The following RTEL1 variants were observed in gnomAD, a reference collection of about 807,000 sequenced individuals.
The protein encoded by RTEL1 is regulator of telomere elongation helicase 1.
RTEL1 carries 86 observed loss-of-function variants against 162.2 expected under a neutral mutation model. That is an observed-to-expected ratio of 0.53 (90% confidence interval 0.45 to 0.63). The LOEUF is 0.63. Among genes scored for constraint, RTEL1 ranks in the 30% least tolerant of loss-of-function variants. The probability of loss-of-function intolerance (pLI) is 0.00; values close to 1 mark genes in which losing one functional copy is unlikely to be tolerated. For missense variants in RTEL1, 1,941 were observed against 1,750.2 expected (o/e 1.11, Z -1.95); for synonymous variants, 958 against 717.9 (o/e 1.33, Z -5.35).
chr20:63,677,194 A>G (rs1425389949), intron 10 of RTEL1, among the ~76,000 whole-genome samples: 1 of 152,218 alleles, frequency 6.6e-6, no homozygotes, highest in Admixed American at 6.5e-5. Flanking sequence ...CTTTTCCTGC[A>G]AGACGGTATT....
intron 30 of RTEL1, 90 bp from the exon 31 acceptor site, chr20:63,694,282 C>T (rs138512591): frequency 2.8e-5 from 32 of 1,140,972 alleles, no homozygotes; most frequent in Non-Finnish European, 4.0e-5. Flanking sequence ...GTGGGTGAGG[C>T]CTGGCCTCCC....
At position 63,693,300 on chromosome 20, in the gene RTEL1, G is replaced by A. The variant is rs1426638452; in HGVS notation, c.2992+17G>A. On this transcript the variant is annotated intron_variant, in intron 30 of 34. Transcript: ENST00000360203. ...ACCCCACTGGTAAATGGGGCCCCAG[G>A]TGGGACCCTCAGACTCCTGCGTGGA... is the stretch of plus-strand genomic sequence containing the variant. 4 of 1,611,052 alleles carry A rather than the reference G, an allele frequency of 2.5e-6. No homozygotes were observed. Among genetic ancestry groups the A allele is most frequent in the South Asian group, 2.2e-5 (2 of 91,080 alleles).
rs1349741572 is a variant in RTEL1 at position 63,658,352 on chromosome 20, C to T, written c.-285C>T. 1 of 152,396 alleles carries T rather than the reference C, an allele frequency of 6.6e-6. No individual in the cohort carries two copies. Among genetic ancestry groups the T allele is most frequent in the Non-Finnish European group, 1.5e-5 (1 of 68,068 alleles). The allele number at this position is 152,396 out of a possible 1,614,324, so 9.4% of individuals were successfully genotyped here. A position where few individuals can be genotyped will look rare whatever the true frequency, so the allele number is the denominator to read the frequency against. ...TCAGCGCCGACTGCGCGCCTCTGCC[C>T]GCGAAAACTCTGAGCTGGCTGACAG... On this transcript the variant is annotated 5_prime_UTR_variant, in exon 1 of 35. Transcript: ENST00000360203.
intron 14 of RTEL1, chr20:63,682,722 C>T (rs1378238869): frequency 2.0e-6 from 2 of 983,416 alleles, no homozygotes; most frequent in Admixed American, 6.1e-5. Flanking sequence ...ACAGGTGACC[C>T]TGGGGGCAGA....
intron 21 of RTEL1, 168 bp downstream of exon 21, chr20:63,688,773 T>A: frequency 1.5e-6 from 1 of 665,664 alleles, no homozygotes. Flanking sequence ...CCTCTTATCT[T>A]ACAAAGCCCC....
In RTEL1 at chr20:63,679,759, C is replaced by G. The variant is rs569429653; in HGVS notation, c.1038-90C>G. 1.7e-5 allele frequency: 17 copies of G among 979,798 alleles called. No individual in the cohort carries two copies. The East Asian group carries it at 2.4e-4, about 14-fold the overall frequency. The allele number at this position is 979,798 out of a possible 1,614,324, so 60.7% of individuals were successfully genotyped here. A position where few individuals can be genotyped will look rare whatever the true frequency, so the allele number is the denominator to read the frequency against. On this transcript the variant is annotated intron_variant, in intron 12 of 34. Coordinates refer to ENST00000360203, the MANE Select transcript of RTEL1 (RefSeq NM_001283009.2). ...ATCTTTGACCAGTGTCGTCCCCCCT[C>G]AGGCCCGAGCCTGCCTTCTTCTCCT...
At chr20:63,693,487 C>G (rs1031490376) in intron 30 of RTEL1, among the ~76,000 whole-genome samples, 13 of 93,710 alleles carry the variant, frequency 1.4e-4, no homozygotes, top group African/African-American at 5.8e-4. Flanking sequence ...ACCTCCACCA[C>G]CACCTCCACC....
Position 63,689,071 on chromosome 20 carries a change from A to G in RTEL1, c.1817A>G (p.Tyr606Cys), listed in dbSNP as rs374345326. 6.2e-7 allele frequency: 1 copy of G among 1,610,936 alleles called. No homozygotes were observed. The highest frequency in any genetic ancestry group is 8.5e-7 in the Non-Finnish European group (1 of 1,179,818). Residue 606 changes from tyrosine to cysteine, a missense_variant, in exon 22 of 35, where the codon TAT (tyrosine) becomes TGT (cysteine). Transcript: ENST00000360203. ...GSFSETISAY[Y>C]ARVAAPGSTG... The stretch of plus-strand genomic sequence containing the variant: ...TCCTTCCAGACCATCAGTGCTTACT[A>G]TGCAAGGGTTGCCGCCCCTGGGTCC...
intron 8 of RTEL1, among the ~76,000 whole-genome samples, chr20:63,670,609 C>G (rs999474178): frequency 6.6e-6 from 1 of 152,242 alleles, no homozygotes; most frequent in Non-Finnish European, 1.5e-5. Flanking sequence ...AGCTGGATCT[C>G]ATCCATCGCT....
chr20:63,672,680 C>A, intron 9 of RTEL1, 59 bp downstream of exon 9: 2 of 1,407,040 alleles, frequency 1.4e-6, no homozygotes, highest in Admixed American at 2.0e-5. Context: ...TTGTCAAGAG[C>A]CACGCAAACC....
At chr20:63,684,169 G>A (rs1302269139) in intron 14 of RTEL1, among the ~76,000 whole-genome samples, 1 of 152,116 alleles carries the variant, frequency 6.6e-6, no homozygotes, top group African/African-American at 2.4e-5. Context: ...GCCTTCTGAC[G>A]TCACCTGTGG....
rs770496959 is a variant in RTEL1 at position 63,688,488 on chromosome 20, G to A, written c.1723-40G>A. The A allele has an allele frequency of 3.3e-5, 53 of 1,606,040 alleles. No homozygotes were observed. The African/African-American group carries it at 3.5e-4, about 11-fold the overall frequency. ...TGCTTGCCCTCATCGGATCGGCGGC[G>A]TGACCAGGGCTGCCGTGTCCCTGCC... On this transcript the variant is annotated intron_variant, in intron 20 of 34. Transcript: ENST00000360203.
chr20:63,688,131 G>A lies in RTEL1; in HGVS notation c.1596-8G>A, dbSNP rs374702981. 2.7e-5 allele frequency: 44 copies of A among 1,612,410 alleles called. No individual in the cohort carries two copies. Among genetic ancestry groups the A allele is most frequent in the African/African-American group, 4.0e-5 (3 of 74,890 alleles). ...TGAGGTCCTGAGCAGTGGCCTCTCC[G>A]GCTCTAGGTTTTCCGAGGAGTGCTT... is the stretch of plus-strand genomic sequence containing the variant. On this transcript the variant is annotated splice_polypyrimidine_tract_variant and splice_region_variant and intron_variant, in intron 18 of 34. Transcript: ENST00000360203.
chr20:63,674,601 C>T (rs562520685), intron 10 of RTEL1, among the ~76,000 whole-genome samples: 55 of 151,666 alleles, frequency 3.6e-4, no homozygotes, highest in Non-Finnish European at 6.6e-4. Context: ...TTCCGGAGGC[C>T]GAAGTGGGAG....
At chr20:63,667,424 C>A (rs372209874) in intron 7 of RTEL1, 45 bp from the exon 8 acceptor site, 1 of 1,485,954 alleles carries the variant, frequency 6.7e-7, no homozygotes, top group Non-Finnish European at 9.4e-7. Context: ...GGGCACCGTC[C>A]CCTGCATGGG....
At chr20:63,686,129 C>A in intron 16 of RTEL1, 1 of 563,168 alleles carries the variant, frequency 1.8e-6, no homozygotes, top group Non-Finnish European at 3.2e-6. Context: ...AGCCACAGCC[C>A]AGCCAGGCCT....
chr20:63,691,452 G>A (rs964887915), intron 27 of RTEL1, among the ~76,000 whole-genome samples: 1 of 152,100 alleles, frequency 6.6e-6, no homozygotes, highest in Admixed American at 6.5e-5. Context: ...AGCTCCAGGT[G>A]CAGGCACCAG....
chr20:63,685,623 T>G, intron 15 of RTEL1, 26 bp downstream of exon 15: 1 of 1,602,808 alleles, frequency 6.2e-7, no homozygotes, highest in Non-Finnish European at 8.5e-7. Context: ...AGGAGGCAGG[T>G]GGAGGGCAGC....
At position 63,690,444 on chromosome 20, in the gene RTEL1, G is replaced by T; in HGVS notation, c.2413+3G>T. The T allele has an allele frequency of 6.3e-7, 1 of 1,578,420 alleles. No homozygotes were observed. The highest frequency in any genetic ancestry group is 8.6e-7 in the Non-Finnish European group (1 of 1,159,428). ...CAGCCTGAAGCAGAGGTCCTCAGGT[G>T]CGGACGGGCAGCGCTGGGTGGGCGG... On this transcript the variant is annotated splice_donor_region_variant and intron_variant, in intron 26 of 34. Transcript: ENST00000360203.
Sources: allele counts gnomAD v4.1 joint callset (sites outside exome capture counted in the v4.1 genomes callset), GRCh38; gene constraint gnomAD v4.1.1; transcripts MANE v1.5; gene names NCBI Gene and HGNC (gene_info 2026-07-23, HGNC 2026-07-21).